The following HYDIN variants were observed in gnomAD, a reference collection of about 807,000 sequenced individuals.
HYDIN encodes HYDIN axonemal central pair apparatus protein.
Under a neutral mutation model 403.9 loss-of-function variants are expected in HYDIN, and 132 were observed. The ratio of observed to expected loss-of-function variants is 0.33; its 90% confidence interval spans 0.28 to 0.38. The LOEUF (loss-of-function observed/expected upper bound fraction) is 0.38, where lower values mean the gene tolerates loss of function less well. Ranked by LOEUF, HYDIN falls within the 10% of genes least tolerant of loss-of-function variation. The probability of loss-of-function intolerance (pLI) is 1.00; values close to 1 mark genes in which losing one functional copy is unlikely to be tolerated. For synonymous variants in HYDIN, 1,202 were observed against 1,891.7 expected (o/e 0.64, Z 9.46); for missense variants, 2,827 against 5,009.5 (o/e 0.56, Z 13.15).
intron 23 of HYDIN, among the ~76,000 whole-genome samples, chr16:71,014,450 C>T (rs2080189606): frequency 6.6e-6 from 1 of 151,280 alleles, no homozygotes; most frequent in Non-Finnish European, 1.5e-5. Context: ...CCCACCCCCT[C>T]CAGTCCATCT....
chr16:71,184,869 T>G lies in HYDIN; in HGVS notation c.257A>C (p.Gln86Pro). 6.2e-7 allele frequency: 1 copy of G among 1,603,448 alleles called. No individual in the cohort carries two copies. ...ELLDMGETTH[Q>P]KFSGIDLDQA... ...AGTACGACAGAGAGCAGCTACCTTCTGATGTGTTGTTTCCCCCATATCTAA... is the reference window on the plus strand; with the variant it reads ...AGTACGACAGAGAGCAGCTACCTTCGGATGTGTTGTTTCCCCCATATCTAA... The change falls in exon 3 of 86, where the codon CAG (glutamine) becomes CCG (proline). Residue 86 changes from glutamine (Q) to proline (P), a missense_variant. Transcript: ENST00000393567.
chr16:70,920,513 G>C (rs2076960006), intron 46 of HYDIN, 78 bp downstream of exon 46: 1 of 1,064,500 alleles, frequency 9.4e-7, no homozygotes, highest in African/African-American at 1.6e-5. Context: ...TTCAGGTAGG[G>C]AGAAGCACCC....
chr16:70,915,074 G>C (rs1482307996), intron 47 of HYDIN, among the ~76,000 whole-genome samples: 1 of 151,242 alleles, frequency 6.6e-6, no homozygotes, highest in African/African-American at 2.4e-5. Flanking sequence ...CTGGAACTGG[G>C]CTTCACCTTT....
At chr16:71,174,248 A>G (rs763623903) in intron 5 of HYDIN, among the ~76,000 whole-genome samples, 2 of 152,200 alleles carry the variant, frequency 1.3e-5, no homozygotes, top group Non-Finnish European at 2.9e-5. Flanking sequence ...CACTCACCAC[A>G]AGGAGTACAT....
Position 70,862,128 on chromosome 16 carries a change from C to T in HYDIN, c.11697G>A (p.Val3899=). 6.2e-7 allele frequency: 1 copy of T among 1,612,110 alleles called. No individual in the cohort carries two copies. The highest frequency in any genetic ancestry group is 8.5e-7 in the Non-Finnish European group (1 of 1,179,202). The change falls in exon 69 of 86, where the codon GTG becomes GTA. Residue 3899 remains valine, a synonymous_variant. Transcript: ENST00000393567. ...TGAACTTCTGAATCTTCCCCACCGG[C>T]ACGATTCCCGAAGAGGGCTCCACAG... ...PFSVEPSSGI[V]PVGKIQKFKV... is the part of the protein sequence containing the mutation.
At chr16:70,853,493 G>A (rs1043174425) in intron 73 of HYDIN, among the ~76,000 whole-genome samples, 70 of 148,956 alleles carry the variant, frequency 4.7e-4, no homozygotes, top group Non-Finnish European at 8.9e-4. Context: ...TCAACTAACT[G>A]TGGTGCATCC....
At chr16:71,051,514 C>T (rs1435077628) in intron 18 of HYDIN, among the ~76,000 whole-genome samples, 2 of 151,856 alleles carry the variant, frequency 1.3e-5, no homozygotes, top group East Asian at 1.9e-4. Context: ...GACGTGGTGG[C>T]GGGCGCCTGT....
intron 1 of HYDIN, among the ~76,000 whole-genome samples, chr16:71,196,180 C>A (rs1225151132): frequency 6.6e-6 from 1 of 152,054 alleles, no homozygotes; most frequent in African/African-American, 2.4e-5. Context: ...ATGTGAAAGG[C>A]AATTTTATGT....
chr16:71,020,153 A>G (rs1371779106), intron 22 of HYDIN, 21 bp downstream of exon 22: 1 of 1,613,274 alleles, frequency 6.2e-7, no homozygotes, highest in African/African-American at 1.3e-5. Flanking sequence ...AGCTTGCCAG[A>G]ACAGACCCCT....
chr16:70,838,596 G>A (rs139656966), intron 76 of HYDIN, among the ~76,000 whole-genome samples: 7 of 152,238 alleles, frequency 4.6e-5, no homozygotes, highest in African/African-American at 1.7e-4. Flanking sequence ...GCACAGTAGG[G>A]AGGAGTATAT....
chr16:70,870,070 T>C (rs545863514), intron 65 of HYDIN, among the ~76,000 whole-genome samples: 10 of 152,356 alleles, frequency 6.6e-5, no homozygotes, highest in African/African-American at 2.4e-4. Context: ...GCCCTAGAGA[T>C]TTGTGGAACT....
intron 1 of HYDIN, among the ~76,000 whole-genome samples, chr16:71,200,574 T>C (rs12149823): frequency 6.6e-6 from 1 of 152,198 alleles, no homozygotes; most frequent in Non-Finnish European, 1.5e-5. Context: ...GAGATGGACA[T>C]TTAGTATATC....
chr16:71,018,802 A>C (rs1230074435), intron 22 of HYDIN, among the ~76,000 whole-genome samples: 1 of 152,286 alleles, frequency 6.6e-6, no homozygotes, highest in Non-Finnish European at 1.5e-5. Flanking sequence ...GTCTACAATG[A>C]ATAACTATTA....
chr16:71,063,575 C>T (rs1356235746), intron 16 of HYDIN, among the ~76,000 whole-genome samples: 1 of 152,216 alleles, frequency 6.6e-6, no homozygotes, highest in Non-Finnish European at 1.5e-5. Context: ...TGATCATGCA[C>T]TGTGCAGGGC....
rs116821499 is a variant in HYDIN at position 71,205,649 on chromosome 16, C to T, written c.-23-18731G>A. Among the ~76,000 whole-genome samples the T allele has an allele frequency of 8.2e-3, 1,242 of 152,344 alleles. 20 individuals carry two copies. Among genetic ancestry groups the T allele is most frequent in the African/African-American group, 0.029 (1,187 of 41,584 alleles). ...GCCAGCCAGGGCTCAGTGTCAGCTT[C>T]TGGCCCACCTCCAGCCTGAAATTGG... On this transcript the variant is annotated intron_variant, in intron 1 of 85. Transcript: ENST00000393567.
chr16:70,809,900 T>C lies in HYDIN; in HGVS notation c.14766A>G (p.Lys4922=). 1 of 1,614,246 alleles carries C rather than the reference T, an allele frequency of 6.2e-7. No homozygotes were observed. The highest frequency in any genetic ancestry group is 8.5e-7 in the Non-Finnish European group (1 of 1,180,034). The stretch of plus-strand genomic sequence containing the variant: ...GCTTTTCCGGAAGTGCTGGCGTGGC[T>C]TTCAGATAGAGCTCATATTGGTAGT... ...LGYYQYELYL[K]ATPALPEKPV... Residue 4922 remains lysine (K), a synonymous_variant, in exon 85 of 86, where the codon AAA becomes AAG. Coordinates refer to ENST00000393567, the MANE Select transcript of HYDIN (RefSeq NM_001270974.2).
At chr16:71,125,872 A>G (rs6499471) in intron 9 of HYDIN, among the ~76,000 whole-genome samples, 12,334 of 150,372 alleles carry the variant, frequency 0.082, 1,726 homozygotes, top group African/African-American at 0.29. Context: ...AACCTTGCCT[A>G]CAGAGATGGT....
At chr16:70,865,919 G>A (rs1218183427) in intron 67 of HYDIN, among the ~76,000 whole-genome samples, 2 of 152,190 alleles carry the variant, frequency 1.3e-5, no homozygotes, top group African/African-American at 4.8e-5. Context: ...TCCCACTAAA[G>A]TGGATTGCCT....
At chr16:71,050,291 C>T (rs1402187721) in intron 18 of HYDIN, among the ~76,000 whole-genome samples, 3 of 150,164 alleles carry the variant, frequency 2.0e-5, no homozygotes, top group South Asian at 2.1e-4. Flanking sequence ...ACAATTAATG[C>T]CAGAGGTCAA....
Sources: allele counts gnomAD v4.1 joint callset (sites outside exome capture counted in the v4.1 genomes callset), GRCh38; gene constraint gnomAD v4.1.1; transcripts MANE v1.5; gene names NCBI Gene and HGNC (gene_info 2026-07-23, HGNC 2026-07-21).